The following NEDD4L variants were observed in gnomAD, a reference collection of about 807,000 sequenced individuals.
NEDD4L encodes E3 ubiquitin-protein ligase NEDD4-like.
A neutral mutation model predicts 148.9 loss-of-function variants in NEDD4L; 54 were observed. That is an observed-to-expected ratio of 0.36 (90% CI 0.29 to 0.45). The LOEUF is 0.45. NEDD4L is among the 20% of genes least tolerant of loss of function. NEDD4L has a pLI of 1.00. For synonymous variants in NEDD4L, 433 were observed against 440.7 expected, an observed-to-expected ratio of 0.98 and a Z score of 0.22; for missense variants, 856 against 1,233.8, an observed-to-expected ratio of 0.69 and a Z score of 4.59.
intron 1 of NEDD4L, among the ~76,000 whole-genome samples, chr18:58,048,705 C>T (rs2081713009): frequency 6.6e-6 from 1 of 152,082 alleles, no homozygotes; most frequent in Non-Finnish European, 1.5e-5. Context: ...AATGTGGTCT[C>T]TAGAGTGTTT....
At chr18:58,074,769 C>T (rs920256147) in intron 1 of NEDD4L, among the ~76,000 whole-genome samples, 2 of 151,892 alleles carry the variant, frequency 1.3e-5, no homozygotes, top group African/African-American at 2.4e-5. Context: ...TTGAGGGATA[C>T]GACTGATGCT....
intron 2 of NEDD4L, among the ~76,000 whole-genome samples, chr18:58,212,112 A>G (rs2042658668): frequency 6.6e-6 from 1 of 152,154 alleles, no homozygotes; most frequent in African/African-American, 2.4e-5. Context: ...AAAGAGACAC[A>G]CTTTGAACAT....
chr18:58,171,465 G>A (rs1033249650), intron 2 of NEDD4L, among the ~76,000 whole-genome samples: 17 of 152,182 alleles, frequency 1.1e-4, no homozygotes, highest in African/African-American at 3.4e-4. Flanking sequence ...AGCCCAAGGG[G>A]ACAGAACACT....
At chr18:58,340,013 G>A (rs534031) in intron 13 of NEDD4L, among the ~76,000 whole-genome samples, 33 of 152,286 alleles carry the variant, frequency 2.2e-4, no homozygotes, top group African/African-American at 7.7e-4. Flanking sequence ...TTATTCCTAA[G>A]GCATGGGCTC....
Position 58,398,881 on chromosome 18 carries a change from G to C in NEDD4L, c.*2612G>C, listed in dbSNP as rs1160832080. 1 of 152,264 alleles carries C rather than the reference G, an allele frequency of 6.6e-6. No homozygotes were observed. Among genetic ancestry groups the C allele is most frequent in the African/African-American group, 2.4e-5 (1 of 41,452 alleles). The allele number at this position is 152,264 out of a possible 1,614,324, so 9.4% of individuals were successfully genotyped here. A position where few individuals can be genotyped will look rare whatever the true frequency, so the allele number is the denominator to read the frequency against. On this transcript the variant is annotated 3_prime_UTR_variant, in exon 31 of 31. Coordinates refer to ENST00000400345, the MANE Select transcript of NEDD4L (RefSeq NM_001144967.3). ...TCATTCCTTGGGCCCCGACCTGCCC[G>C]GGGAGTAGCCCTGGGGGAGAGAGGG... is the stretch of plus-strand genomic sequence containing the variant.
chr18:58,341,479 G>T (rs2042412168), intron 14 of NEDD4L, among the ~76,000 whole-genome samples, 199 bp from the exon 15 acceptor site: 2 of 152,104 alleles, frequency 1.3e-5, no homozygotes, highest in African/African-American at 4.8e-5. Flanking sequence ...TTTATGCTGG[G>T]CTAGTGATTC....
intron 5 of NEDD4L, among the ~76,000 whole-genome samples, chr18:58,264,303 C>T (rs1026327349): frequency 2.6e-5 from 4 of 152,018 alleles, no homozygotes; most frequent in Non-Finnish European, 2.9e-5. Flanking sequence ...CTTGCACCCT[C>T]GGTTGAAATT....
intron 21 of NEDD4L, 36 bp from the exon 22 acceptor site, chr18:58,367,710 G>T: frequency 6.2e-7 from 1 of 1,610,812 alleles, no homozygotes; most frequent in Non-Finnish European, 8.5e-7. Flanking sequence ...GCATTTGAAA[G>T]TGTGATTGGG....
chr18:58,187,784 C>T (rs924110950), intron 2 of NEDD4L, among the ~76,000 whole-genome samples: 2 of 152,076 alleles, frequency 1.3e-5, no homozygotes, highest in African/African-American at 4.8e-5. Context: ...ATATGGAAAT[C>T]ACATTAAACA....
At chr18:58,316,917 A>G (rs8093462) in intron 6 of NEDD4L, among the ~76,000 whole-genome samples, 26,528 of 152,202 alleles carry the variant, frequency 0.17, 2,507 homozygotes, top group Non-Finnish European at 0.19. Flanking sequence ...GTGTGAGCAA[A>G]TAGCATAAAT....
chr18:58,198,349 A>G (rs2040977459), intron 2 of NEDD4L, among the ~76,000 whole-genome samples: 1 of 152,214 alleles, frequency 6.6e-6, no homozygotes, highest in Non-Finnish European at 1.5e-5. Flanking sequence ...CTCCAATCCC[A>G]AATTAAGCAG....
At position 58,341,173 on chromosome 18, in the gene NEDD4L, C is replaced by G; in HGVS notation, c.1257+4C>G. ...TTGGACTCGACCTATCATGCAGGTA[C>G]GAAGATTGCCATCCAACTTAAAACC... On this transcript the variant is annotated splice_donor_region_variant and intron_variant, in intron 14 of 30. Transcript: ENST00000400345. 1 of 1,611,766 alleles carries G rather than the reference C, an allele frequency of 6.2e-7. No individual in the cohort carries two copies. The highest frequency in any genetic ancestry group is 8.5e-7 in the Non-Finnish European group (1 of 1,179,126).
chr18:58,387,418 TG>T lies in NEDD4L; in HGVS notation c.2488-20del, dbSNP rs752322832. 2.6e-4 allele frequency: 396 copies of T among 1,512,982 alleles called. 2 individuals carry two copies. The South Asian group carries it at 4.0e-3, about 15-fold the overall frequency. The allele number at this position is 1,512,982 out of a possible 1,614,324, so 93.7% of individuals were successfully genotyped here. A position where few individuals can be genotyped will look rare whatever the true frequency, so the allele number is the denominator to read the frequency against. On this transcript the variant is annotated intron_variant, in intron 26 of 30. Coordinates refer to ENST00000400345, the MANE Select transcript of NEDD4L (RefSeq NM_001144967.3). ...TTTTGAAGGCAATAGGTGTTTAAGA[TG>T]TTTTTTTTTTTTCTTTCAGGGATTC...
intron 1 of NEDD4L, among the ~76,000 whole-genome samples, chr18:58,105,771 A>G (rs984074068): frequency 2.0e-5 from 3 of 152,216 alleles, no homozygotes; most frequent in Non-Finnish European, 4.4e-5. Context: ...GTTTTACTCC[A>G]GATTTTCTCC....
rs1223107368 is a variant in NEDD4L at position 58,168,506 on chromosome 18, T to C, written c.122+2645T>C. On this transcript the variant is annotated intron_variant, in intron 2 of 30. Transcript: ENST00000400345. The stretch of plus-strand genomic sequence containing the variant: ...ATGTGGGGAAGAACCGCAAAGTGAC[T>C]TCTGTCGGCAGCAGCTCTGTCGTGT... Among the ~76,000 whole-genome samples the C allele has an allele frequency of 2.0e-5, 3 of 152,350 alleles. No individual in the cohort carries two copies. The East Asian group carries it at 5.8e-4, about 29-fold the overall frequency.
rs1020541911 is a variant in NEDD4L at position 58,044,829 on chromosome 18, A to G, written c.48+121A>G. 19 of 1,255,512 alleles carry G rather than the reference A, an allele frequency of 1.5e-5. No individual in the cohort carries two copies. The African/African-American group carries it at 2.3e-4, about 15-fold the overall frequency. 77.8% of individuals were successfully genotyped at this position (1,255,512 alleles called of 1,614,324 possible). A position where few individuals can be genotyped will look rare whatever the true frequency, so the allele number is the denominator to read the frequency against. ...GCCCAGCGTCTGCAGGGGAGCCCCA[A>G]AGCGGGAGCGCCCCGGAGCGGGATC... On this transcript the variant is annotated intron_variant, in intron 1 of 30. Transcript: ENST00000400345.
chr18:58,251,870 G>A (rs1304080896), intron 4 of NEDD4L, 131 bp from the exon 5 acceptor site: 2 of 619,084 alleles, frequency 3.2e-6, no homozygotes, highest in African/African-American at 1.9e-5. Flanking sequence ...TCCCAGAACA[G>A]CAGGATAATT....
intron 1 of NEDD4L, among the ~76,000 whole-genome samples, chr18:58,164,212 G>A (rs1359047586): frequency 1.3e-5 from 2 of 151,968 alleles, no homozygotes; most frequent in African/African-American, 4.8e-5. Flanking sequence ...TTTCTAGCTA[G>A]CTAGCTGTTC....
At chr18:58,394,429 A>C (rs2050221138) in intron 30 of NEDD4L, among the ~76,000 whole-genome samples, 1 of 152,264 alleles carries the variant, frequency 6.6e-6, no homozygotes, top group South Asian at 2.1e-4. Context: ...AAAAATGGTC[A>C]CAGATTCTCA....
Sources: allele counts gnomAD v4.1 joint callset (sites outside exome capture counted in the v4.1 genomes callset), GRCh38; gene constraint gnomAD v4.1.1; transcripts MANE v1.5; gene names NCBI Gene and HGNC (gene_info 2026-07-23, HGNC 2026-07-21).